The following SYNE1 variants were observed in gnomAD, a reference collection of about 807,000 sequenced individuals.
SYNE1 encodes the protein nesprin-1.
SYNE1 carries 616 observed loss-of-function variants against 1,111.0 expected under a neutral mutation model. That is an observed-to-expected ratio of 0.55 (90% CI 0.52 to 0.59). The LOEUF is 0.59. Ranked by LOEUF, SYNE1 falls within the 20% of genes least tolerant of loss-of-function variation. The pLI is 0.00. For synonymous variants in SYNE1, 3,855 were observed against 3,825.8 expected, an observed-to-expected ratio of 1.01 and a Z score of -0.28; for missense variants, 10,006 against 10,417.0, an observed-to-expected ratio of 0.96 and a Z score of 1.72.
intron 3 of SYNE1, among the ~76,000 whole-genome samples, chr6:152,561,674 G>C (rs2099395722): frequency 6.6e-6 from 1 of 152,018 alleles, no homozygotes; most frequent in South Asian, 2.1e-4. Flanking sequence ...ATATTATATA[G>C]CTATAGTGAT....
rs762448241 is a variant in SYNE1, at chr6:152,395,618, C to A, written c.7610G>T (p.Arg2537Met). The A allele has an allele frequency of 1.9e-6, 3 of 1,614,162 alleles. No homozygotes were observed. Among genetic ancestry groups the A allele is most frequent in the Non-Finnish European group, 2.5e-6 (3 of 1,179,996 alleles). Residue 2537 changes from arginine to methionine, a missense_variant, in exon 51 of 146, where the codon AGG becomes ATG. Arg to Met is a moderately conservative substitution (Grantham distance 91, BLOSUM62 -1). Coordinates refer to ENST00000367255, the MANE Select transcript of SYNE1 (RefSeq NM_182961.4). ...CTCTCCCAAGTTTTCCGTATTGAAC[C>A]TTTCTTCCATTTCATGGATCCATAA... ...LNLWIHEMEE[R>M]FNTENLGESK... is the part of the protein sequence containing the mutation.
intron 62 of SYNE1, chr6:152,366,884 T>A (rs2097091230): frequency 2.4e-6 from 1 of 425,302 alleles, no homozygotes; most frequent in African/African-American, 2.0e-5. Flanking sequence ...TGGAAAAAGA[T>A]GGAAAATGTT....
chr6:152,280,474 T>C (rs2093964766), intron 97 of SYNE1, among the ~76,000 whole-genome samples: 1 of 152,140 alleles, frequency 6.6e-6, no homozygotes, highest in Non-Finnish European at 1.5e-5. Flanking sequence ...AGTGCTAGTG[T>C]ATTTTATGTG....
chr6:152,239,708 T>C lies in SYNE1; in HGVS notation c.19894-2A>G, dbSNP rs746958661. 6.2e-7 allele frequency: 1 copy of C among 1,614,140 alleles called. No homozygotes were observed. Among genetic ancestry groups the C allele is most frequent in the South Asian group, 1.1e-5 (1 of 91,088 alleles). On this transcript the variant is annotated splice_acceptor_variant, in intron 107 of 145. Transcript: ENST00000367255. LOFTEE classifies it high-confidence loss of function. ...AGATTCCAGGCCCTGAAAGTATTCC[T>C]GCAATTTTTCAGGAAGAAAGAAGTC...
At chr6:152,301,454 G>A (rs1411242269) in intron 92 of SYNE1, among the ~76,000 whole-genome samples, 1 of 152,164 alleles carries the variant, frequency 6.6e-6, no homozygotes, top group Non-Finnish European at 1.5e-5. Context: ...CATTTATACA[G>A]TAGAGTACAT....
intron 10 of SYNE1, among the ~76,000 whole-genome samples, chr6:152,500,398 T>A (rs1323851557): frequency 6.6e-6 from 1 of 152,234 alleles, no homozygotes; most frequent in Non-Finnish European, 1.5e-5. Context: ...TAAGTCACGC[T>A]GGTGGCCAAT....
chr6:152,294,353 C>T (rs774815796), intron 93 of SYNE1, among the ~76,000 whole-genome samples: 18 of 152,148 alleles, frequency 1.2e-4, no homozygotes, highest in Non-Finnish European at 2.2e-4. Context: ...CAAAAAACAA[C>T]TTTACCAATA....
intron 3 of SYNE1, among the ~76,000 whole-genome samples, chr6:152,589,650 T>C (rs191788476): frequency 5.9e-5 from 9 of 152,290 alleles, no homozygotes; most frequent in Admixed American, 5.9e-4. Context: ...AAGAATCACA[T>C]GTGCATGTGA....
chr6:152,599,277 G>T (rs952850926), intron 3 of SYNE1, among the ~76,000 whole-genome samples: 2 of 152,178 alleles, frequency 1.3e-5, no homozygotes. Context: ...TCTAGTAAGT[G>T]CTTGGAATAC....
intron 22 of SYNE1, among the ~76,000 whole-genome samples, chr6:152,456,338 C>G (rs1322371674): frequency 6.6e-6 from 1 of 151,682 alleles, no homozygotes; most frequent in Admixed American, 6.6e-5. Context: ...GATAGAGCAT[C>G]AAAAGTTGTC....
At chr6:152,324,620 T>G (rs937650611) in intron 81 of SYNE1, among the ~76,000 whole-genome samples, 1 of 151,628 alleles carries the variant, frequency 6.6e-6, no homozygotes, top group East Asian at 2.0e-4. Flanking sequence ...AGGTGAAACC[T>G]CGTCTCTAAT....
At chr6:152,377,626 AAAAAAAAAAAAAAAATATATAT>A (rs1338266634) in intron 56 of SYNE1, among the ~76,000 whole-genome samples, 16 of 107,674 alleles carry the variant, frequency 1.5e-4, no homozygotes, top group African/African-American at 7.1e-4. Context: ...AAAAAAAAAA[AAAAAAAAAAAAAAAATATATAT>A]ATATATATAT....
intron 11 of SYNE1, 108 bp from the exon 12 acceptor site, chr6:152,488,611 C>A: frequency 4.4e-6 from 3 of 679,578 alleles, no homozygotes; most frequent in South Asian, 3.8e-5. Context: ...TAAGTCCCAA[C>A]TGTCTCTGAA....
chr6:152,184,641 T>TAGAC (rs2069210256), intron 128 of SYNE1, among the ~76,000 whole-genome samples: 1 of 144,156 alleles, frequency 6.9e-6, no homozygotes, highest in Non-Finnish European at 1.5e-5. Flanking sequence ...TATAGATAGA[T>TAGAC]AGATAGATAG....
chr6:152,433,498 A>C, intron 34 of SYNE1: 1 of 408,790 alleles, frequency 2.4e-6, no homozygotes. Context: ...CATTCTATTG[A>C]GGTTAATTCA....
chr6:152,165,402 T>C (rs2063448825), intron 130 of SYNE1, among the ~76,000 whole-genome samples: 1 of 152,242 alleles, frequency 6.6e-6, no homozygotes, highest in African/African-American at 2.4e-5. Context: ...TTGTCATTTT[T>C]CCTCAAAGCA....
chr6:152,570,133 T>A (rs746122224), intron 3 of SYNE1, among the ~76,000 whole-genome samples: 1 of 152,230 alleles, frequency 6.6e-6, no homozygotes, highest in East Asian at 1.9e-4. Context: ...ATGTTAATAA[T>A]AACTAAATAG....
chr6:152,344,778 A>C (rs2096601872), intron 73 of SYNE1, among the ~76,000 whole-genome samples: 1 of 152,194 alleles, frequency 6.6e-6, no homozygotes, highest in Non-Finnish European at 1.5e-5. Flanking sequence ...CAGGGCAAAA[A>C]TAATCCAGAA....
chr6:152,466,931 C>A (rs773044126), intron 16 of SYNE1, among the ~76,000 whole-genome samples: 2 of 152,002 alleles, frequency 1.3e-5, no homozygotes, highest in Non-Finnish European at 2.9e-5. Context: ...GTCATAAATA[C>A]AAAATTAGCC....
Sources: allele counts gnomAD v4.1 joint callset (sites outside exome capture counted in the v4.1 genomes callset), GRCh38; gene constraint gnomAD v4.1.1; transcripts MANE v1.5; gene names NCBI Gene and HGNC (gene_info 2026-07-23, HGNC 2026-07-21).